The following PRKDC variants were observed in gnomAD, a reference collection of about 807,000 sequenced individuals.
The protein encoded by PRKDC is DNA-dependent protein kinase catalytic subunit.
Under a neutral mutation model 486.9 loss-of-function variants are expected in PRKDC, and 82 were observed. The observed-to-expected ratio is 0.17, with a 90% confidence interval of 0.14 to 0.20. The LOEUF (loss-of-function observed/expected upper bound fraction) is 0.20. Ranked by LOEUF, PRKDC falls within the 10% of genes least tolerant of loss-of-function variation. The pLI, the probability that PRKDC is intolerant of heterozygous loss-of-function variation, is 1.00. For synonymous variants in PRKDC, 1,895 were observed against 1,837.0 expected (o/e 1.03, Z -0.81); for missense variants, 4,504 against 5,038.2 (o/e 0.89, Z 3.21).
Position 47,912,486 on chromosome 8 carries a change from T to C in PRKDC, c.2858A>G (p.Gln953Arg). The change falls in exon 25 of 86, where the codon CAG (glutamine) becomes CGG (arginine). Residue 953 changes from glutamine (Q) to arginine (R), a missense_variant. By Grantham distance (43) the Gln-to-Arg change is conservative. This residue lies in a region of PRKDC where 1,969 missense variants were observed against 2,068.9 expected (regional missense o/e 0.95). Transcript: ENST00000314191. ...GKATQMPEGG[Q>R]GAPPMYQLYK... ...GAGCTGGTACATGGGTGGGGCTCCC[T>C]GTCCCCCTTCTGGCATCTGCGTGGC... The C allele has an allele frequency of 6.2e-7, 1 of 1,612,804 alleles. No homozygotes were observed. The highest frequency in any genetic ancestry group is 8.5e-7 in the Non-Finnish European group (1 of 1,179,256).
At chr8:47,776,032 C>T (rs1245859095) in intron 85 of PRKDC, among the ~76,000 whole-genome samples, 1 of 152,208 alleles carries the variant, frequency 6.6e-6, no homozygotes, top group East Asian at 1.9e-4. Context: ...CCTTGATGGC[C>T]AGGGTGGTCT....
intron 74 of PRKDC, among the ~76,000 whole-genome samples, chr8:47,791,677 G>C (rs975230390): frequency 6.6e-6 from 1 of 152,142 alleles, no homozygotes; most frequent in East Asian, 1.9e-4. Flanking sequence ...AAACCACAAC[G>C]AGGTATCATC....
intron 45 of PRKDC, among the ~76,000 whole-genome samples, chr8:47,860,099 C>A (rs911254915): frequency 2.6e-5 from 4 of 152,102 alleles, no homozygotes; most frequent in Non-Finnish European, 5.9e-5. Context: ...GGAAGAAATA[C>A]CACTGAAAAG....
intron 59 of PRKDC, among the ~76,000 whole-genome samples, chr8:47,832,224 G>C (rs2087900930): frequency 6.6e-6 from 1 of 152,252 alleles, no homozygotes; most frequent in South Asian, 2.1e-4. Context: ...AACTGAACTA[G>C]AGAGGAGCTG....
chr8:47,798,738 T>G (rs548050751), intron 72 of PRKDC, among the ~76,000 whole-genome samples: 1 of 151,954 alleles, frequency 6.6e-6, no homozygotes, highest in Non-Finnish European at 1.5e-5. Context: ...AAGTAGAAAT[T>G]AAACAAATGG....
chr8:47,900,543 T>C lies in PRKDC; in HGVS notation c.3270-76A>G. On this transcript the variant is annotated intron_variant, in intron 27 of 85. Transcript: ENST00000314191. Reference sequence around the variant, plus strand: ...AGGACAAAGAAAAGAAGGAATGGAATTAAAGAAGGCACACATTAATTAAAT... The same window carrying C: ...AGGACAAAGAAAAGAAGGAATGGAACTAAAGAAGGCACACATTAATTAAAT... 6 of 1,323,860 alleles carry C rather than the reference T, an allele frequency of 4.5e-6. No homozygotes were observed. The South Asian group carries it at 7.8e-5, about 17-fold the overall frequency. 82.0% of individuals were successfully genotyped at this position (1,323,860 alleles called of 1,614,324 possible). A position where few individuals can be genotyped will look rare whatever the true frequency, so the allele number is the denominator to read the frequency against.
At chr8:47,955,481 A>G (rs921108855) in intron 4 of PRKDC, among the ~76,000 whole-genome samples, 7 of 150,954 alleles carry the variant, frequency 4.6e-5, no homozygotes, top group African/African-American at 1.5e-4. Flanking sequence ...AAAAAAAAAA[A>G]AAAAAAGAAA....
chr8:47,949,055 T>C (rs1216483400), intron 7 of PRKDC, among the ~76,000 whole-genome samples: 1 of 152,220 alleles, frequency 6.6e-6, no homozygotes, highest in African/African-American at 2.4e-5. Flanking sequence ...TCCAAGAGGC[T>C]CTAGGGGAGA....
In PRKDC at chr8:47,929,944, A is replaced by G. The variant is rs777201632; in HGVS notation, c.1961T>C (p.Ile654Thr). Residue 654 changes from isoleucine to threonine, a missense_variant, in exon 18 of 86, where the codon ATT becomes ACT. Physicochemically the swap from Ile to Thr is moderately conservative, Grantham distance 89. Transcript: ENST00000314191. ...GAGGGGCAACCTTGTAGATTGCAAA[A>G]TTAATTCATATGAAAATGAGTACAC... ...PWVYSFSYEL[I>T]LQSTRLPLIS... 4 of 1,611,262 alleles carry G rather than the reference A, an allele frequency of 2.5e-6. No individual in the cohort carries two copies. The highest frequency in any genetic ancestry group is 3.4e-6 in the Non-Finnish European group (4 of 1,178,880).
rs186279163 is a variant in PRKDC at position 47,795,486 on chromosome 8, G to A, written c.10459-985C>T. 4.8e-5 allele frequency among the ~76,000 whole-genome samples: 7 copies of A among 146,264 alleles called. No homozygotes were observed. In the East Asian group the frequency reaches 1.2e-3, roughly 25 times the overall value. ...TTACAGGCGTGAGCCACCGCACCCG[G>A]CCTTTTTTTTTTTTTTTTTCTTTTG... On this transcript the variant is annotated intron_variant, in intron 73 of 85. Transcript: ENST00000314191.
At chr8:47,924,433 G>C (rs1013993923) in intron 21 of PRKDC, among the ~76,000 whole-genome samples, 4 of 152,058 alleles carry the variant, frequency 2.6e-5, no homozygotes, top group Non-Finnish European at 5.9e-5. Context: ...GGTGGTGCAT[G>C]CCTGTAGTCT....
At chr8:47,943,095 A>T in intron 10 of PRKDC, 114 bp downstream of exon 10, 1 of 1,283,166 alleles carries the variant, frequency 7.8e-7, no homozygotes, top group South Asian at 1.6e-5. Flanking sequence ...TGCTTTAAAT[A>T]CTACAGAAGC....
At position 47,820,844 on chromosome 8, in the gene PRKDC, C is replaced by T. The variant is rs376953418; in HGVS notation, c.9211G>A (p.Gly3071Arg). The change falls in exon 66 of 86, where the codon GGG (glycine) becomes AGG (arginine). Residue 3071 changes from glycine to arginine, a missense_variant. This residue lies in a region of PRKDC where 1,592 missense variants were observed against 1,724.6 expected (regional missense o/e 0.92). Transcript: ENST00000314191. The stretch of plus-strand genomic sequence containing the variant: ...TCTAGAATCGCCTTCTGGAGCTCCC[C>T]GTGCATAGCTTTGTCAATAAATGTC... ...LLTFIDKAMHGELQKAILELH... is the reference protein window; with the variant it reads ...LLTFIDKAMHRELQKAILELH... 5.0e-6 allele frequency: 8 copies of T among 1,613,078 alleles called. No homozygotes were observed. Among genetic ancestry groups the T allele is most frequent in the East Asian group, 2.2e-5 (1 of 44,890 alleles).
At chr8:47,795,617 C>T (rs1006458098) in intron 73 of PRKDC, among the ~76,000 whole-genome samples, 1 of 151,370 alleles carries the variant, frequency 6.6e-6, no homozygotes, top group Non-Finnish European at 1.5e-5. Flanking sequence ...CCTCAGCCTT[C>T]CGAGTAGCTG....
chr8:47,797,203 C>T (rs148609617), intron 73 of PRKDC, among the ~76,000 whole-genome samples: 5 of 152,258 alleles, frequency 3.3e-5, no homozygotes, highest in East Asian at 3.9e-4. Context: ...CTTCACTGCA[C>T]GTGTCTACTG....
chr8:47,861,737 C>G (rs149468621), intron 44 of PRKDC, among the ~76,000 whole-genome samples: 1 of 152,374 alleles, frequency 6.6e-6, no homozygotes, highest in Non-Finnish European at 1.5e-5. Flanking sequence ...CCACGTTGCC[C>G]AAGCAAGGCC....
At position 47,934,006 on chromosome 8, in the gene PRKDC, C is replaced by T. The variant is rs533171314; in HGVS notation, c.1582G>A (p.Val528Met). 10 of 1,613,484 alleles carry T rather than the reference C, an allele frequency of 6.2e-6. No individual in the cohort carries two copies. Among genetic ancestry groups the T allele is most frequent in the South Asian group, 2.2e-5 (2 of 91,068 alleles). ...KWKVPTYKDY[V>M]DLFRHLLSSD... ...CTCAGGAGATGTCTGAAGAGATCCA[C>T]GTAGTCTTTGTATGTGGGCACCTTC... Residue 528 changes from valine (V) to methionine (M), a missense_variant, in exon 15 of 86, where the codon GTG (valine) becomes ATG (methionine). Val to Met is a conservative substitution (Grantham distance 21). Around this residue, in one of 6 missense-constraint regions of PRKDC, gnomAD observed 1,969 missense variants for 2,068.9 expected, o/e 0.95. Transcript: ENST00000314191.
intron 16 of PRKDC, among the ~76,000 whole-genome samples, chr8:47,932,706 G>C (rs1179952494): frequency 6.6e-6 from 1 of 151,930 alleles, no homozygotes; most frequent in Non-Finnish European, 1.5e-5. Flanking sequence ...CCCATACAAA[G>C]TCATTTCTAC....
rs56395046 is a variant in PRKDC, at chr8:47,776,870, T to G, written c.12156A>C (p.Ala4052=). 6.3e-5 allele frequency: 101 copies of G among 1,614,008 alleles called. 1 individual carries two copies. The East Asian group carries it at 2.2e-3, about 36-fold the overall frequency. The change falls in exon 85 of 86, where the codon GCA becomes GCC. Residue 4052 remains alanine, a synonymous_variant. Coordinates refer to ENST00000314191, the MANE Select transcript of PRKDC (RefSeq NM_006904.7). ...QKICYAKRKL[A]GANPAVITCD... ...AAGTAATGACTGCTGGATTGGCACCTGCTAACTTTCTCTTAGCGTAACATA... is the reference window on the plus strand; with the variant it reads ...AAGTAATGACTGCTGGATTGGCACCGGCTAACTTTCTCTTAGCGTAACATA...
Sources: gnomAD v4.1 joint callset for allele counts (sites outside exome capture counted in the v4.1 genomes callset) on GRCh38, gnomAD v4.1.1 for gene constraint, gnomAD v4.1.1 regional missense constraint, MANE v1.5 for transcripts, NCBI Gene and HGNC (gene_info 2026-07-23, HGNC 2026-07-21) for gene names.